EPSTI1: variants seen among roughly 807,000 people sequenced by gnomAD.
The protein encoded by EPSTI1 is epithelial-stromal interaction protein 1.
EPSTI1 carries 66 observed loss-of-function variants against 49.9 expected under a neutral mutation model. That is an observed-to-expected ratio of 1.32 (90% confidence interval 1.08 to 1.62). The LOEUF is 1.62. EPSTI1 is among the 40% of genes most tolerant of loss of function. EPSTI1 has a pLI of 0.00. For synonymous variants in EPSTI1, 137 were observed against 130.7 expected, an observed-to-expected ratio of 1.05 and a Z score of -0.33; for missense variants, 394 against 365.5, an observed-to-expected ratio of 1.08 and a Z score of -0.64.
chr13:42,957,581 T>C (rs181043851), intron 5 of EPSTI1, among the ~76,000 whole-genome samples: 7 of 152,300 alleles, frequency 4.6e-5, no homozygotes, highest in Non-Finnish European at 1.0e-4. Flanking sequence ...TTTATTTATG[T>C]ATTTATTTAT....
intron 8 of EPSTI1, among the ~76,000 whole-genome samples, chr13:42,908,883 G>A (rs2037578812): frequency 6.8e-6 from 1 of 148,080 alleles, no homozygotes; most frequent in South Asian, 2.1e-4. Context: ...AGGAGTTCAA[G>A]ATCAGCCTGA....
chr13:42,948,493 A>C (rs1004910923), intron 6 of EPSTI1, among the ~76,000 whole-genome samples: 1 of 133,052 alleles, frequency 7.5e-6, no homozygotes, highest in African/African-American at 2.9e-5. Flanking sequence ...TTTTTCGGTG[A>C]GACAAGGTCT....
rs2036897007 is a variant in EPSTI1, at chr13:42,887,499, T to C, written c.*995A>G. The stretch of plus-strand genomic sequence containing the variant: ...CAGCTGCAAAGATGATTTGTTGTAT[T>C]TACCTTTATTCTAGGATTGAATGTA... On this transcript the variant is annotated 3_prime_UTR_variant, in exon 11 of 11. Coordinates refer to ENST00000313624, the MANE Select transcript of EPSTI1 (RefSeq NM_033255.5). The C allele has an allele frequency of 6.6e-6, 1 of 152,248 alleles. No homozygotes were observed. The highest frequency in any genetic ancestry group is 2.4e-5 in the African/African-American group (1 of 41,446). 9.4% of individuals were successfully genotyped at this position (152,248 alleles called of 1,614,324 possible).
At chr13:42,943,934 G>T (rs1376924281) in intron 6 of EPSTI1, among the ~76,000 whole-genome samples, 1 of 152,138 alleles carries the variant, frequency 6.6e-6, no homozygotes, top group Non-Finnish European at 1.5e-5. Context: ...ACTATCACTG[G>T]TCATTAGAGA....
intron 6 of EPSTI1, among the ~76,000 whole-genome samples, chr13:42,944,010 C>T (rs188097931): frequency 1.3e-3 from 205 of 152,230 alleles, no homozygotes; most frequent in African/African-American, 4.8e-3. Context: ...ATTAAAAAGT[C>T]AGGAAAAAAC....
intron 8 of EPSTI1, among the ~76,000 whole-genome samples, chr13:42,907,250 T>G (rs1478114363): frequency 1.3e-5 from 2 of 152,218 alleles, no homozygotes; most frequent in Non-Finnish European, 2.9e-5. Flanking sequence ...GTTTCAAAAC[T>G]TATCTGCACT....
chr13:42,946,339 T>G (rs530703359), intron 6 of EPSTI1, among the ~76,000 whole-genome samples: 1 of 152,310 alleles, frequency 6.6e-6, no homozygotes, highest in East Asian at 1.9e-4. Flanking sequence ...CAAGGCAATT[T>G]AGAAATAGGA....
At chr13:42,962,568 G>A (rs2039483127) in intron 5 of EPSTI1, among the ~76,000 whole-genome samples, 2 of 149,826 alleles carry the variant, frequency 1.3e-5, no homozygotes, top group South Asian at 4.2e-4. Context: ...CCAAGAGTTC[G>A]AGACCAGCCT....
intron 7 of EPSTI1, among the ~76,000 whole-genome samples, chr13:42,919,601 C>A (rs994640325): frequency 1.3e-5 from 2 of 152,148 alleles, no homozygotes; most frequent in Admixed American, 1.3e-4. Context: ...AGGCCTCAAG[C>A]ATTTACAGCT....
intron 5 of EPSTI1, among the ~76,000 whole-genome samples, chr13:42,959,019 C>G (rs17551804): frequency 6.6e-6 from 1 of 151,998 alleles, no homozygotes; most frequent in African/African-American, 2.4e-5. Flanking sequence ...TAGATTCCAA[C>G]GAGATAGTGT....
intron 6 of EPSTI1, 136 bp downstream of exon 6, chr13:42,953,812 A>C: frequency 1.5e-6 from 1 of 654,810 alleles, no homozygotes; most frequent in Admixed American, 3.2e-5. Context: ...ACATGGTGAA[A>C]GAGTTCAATT....
rs952488671 is a variant in EPSTI1 at position 42,888,100 on chromosome 13, C to T, written c.*394G>A. The stretch of plus-strand genomic sequence containing the variant: ...AGGGATTAAAATCTAAAAAGACCCC[C>T]AAAGCTTTCAAAACCTGATCTGAGA... On this transcript the variant is annotated 3_prime_UTR_variant, in exon 11 of 11. Coordinates refer to ENST00000313624, the MANE Select transcript of EPSTI1 (RefSeq NM_033255.5). 3.5e-5 allele frequency: 30 copies of T among 858,692 alleles called. No homozygotes were observed. The highest frequency in any genetic ancestry group is 7.3e-4 in the Middle Eastern group (2 of 2,738). 53.2% of individuals were successfully genotyped at this position (858,692 alleles called of 1,614,324 possible).
chr13:42,933,399 C>G (rs1038325476), intron 6 of EPSTI1, among the ~76,000 whole-genome samples: 1 of 150,120 alleles, frequency 6.7e-6, no homozygotes, highest in Non-Finnish European at 1.5e-5. Flanking sequence ...CTTCCCACAA[C>G]CCCCCGAAAT....
At chr13:42,917,421 T>C (rs2037860616) in intron 8 of EPSTI1, 120 bp downstream of exon 8, 3 of 900,056 alleles carry the variant, frequency 3.3e-6, no homozygotes, top group African/African-American at 3.3e-5. Flanking sequence ...TTATTTTCAA[T>C]GCTTGTATTC....
At chr13:42,915,332 G>A (rs1057513150) in intron 8 of EPSTI1, among the ~76,000 whole-genome samples, 1 of 152,192 alleles carries the variant, frequency 6.6e-6, no homozygotes, top group Non-Finnish European at 1.5e-5. Flanking sequence ...AGGAGTTCGA[G>A]ACCAGCCTGG....
intron 1 of EPSTI1, among the ~76,000 whole-genome samples, chr13:42,978,084 C>T (rs1430734430): frequency 2.0e-5 from 3 of 151,696 alleles, no homozygotes; most frequent in Admixed American, 1.3e-4. Context: ...ACCCGGGAGG[C>T]GGAGCTTGCA....
rs1469812702 is a variant in EPSTI1, at chr13:42,966,655, G to A, written c.331+2439C>T. Among the ~76,000 whole-genome samples the A allele has an allele frequency of 8.0e-5, 6 of 75,388 alleles. 2 individuals are homozygous for A. Among genetic ancestry groups the A allele is most frequent in the Admixed American group, 3.2e-4 (2 of 6,308 alleles). 49.5% of individuals were successfully genotyped at this position (75,388 alleles called of 152,430 possible). ...CCACCCCATCTGGGAAGTAAGGAGC[G>A]TCTCCGCCCGGCAGCCACCCCGGCC... On this transcript the variant is annotated intron_variant, in intron 3 of 10. Coordinates refer to ENST00000313624, the MANE Select transcript of EPSTI1 (RefSeq NM_033255.5).
intron 7 of EPSTI1, among the ~76,000 whole-genome samples, chr13:42,924,542 C>T (rs1039302037): frequency 8.5e-5 from 13 of 152,140 alleles, no homozygotes; most frequent in African/African-American, 3.1e-4. Flanking sequence ...GCCTGGTAGG[C>T]GAAACTCCAG....
At chr13:42,920,083 C>A (rs537198533) in intron 7 of EPSTI1, among the ~76,000 whole-genome samples, 35 of 152,126 alleles carry the variant, frequency 2.3e-4, no homozygotes, top group Non-Finnish European at 4.1e-4. Flanking sequence ...TATAAAGACA[C>A]TTTTCATAAT....
Sources: gnomAD v4.1 joint callset for allele counts (sites outside exome capture counted in the v4.1 genomes callset) on GRCh38, gnomAD v4.1.1 for gene constraint, MANE v1.5 for transcripts, NCBI Gene and HGNC (gene_info 2026-07-23, HGNC 2026-07-21) for gene names.